The following ZNF112 variants were observed in gnomAD, a reference collection of about 807,000 sequenced individuals.
ZNF112 encodes zinc finger protein 112 (Y14).
Under a neutral mutation model 77.7 loss-of-function variants are expected in ZNF112, and 37 were observed. The observed-to-expected ratio is 0.48, with a 90% confidence interval of 0.37 to 0.63. ZNF112 has a LOEUF of 0.63. ZNF112 is among the 20% of genes least tolerant of loss of function. The probability of loss-of-function intolerance (pLI) is 0.00; values close to 1 mark genes in which losing one functional copy is unlikely to be tolerated. For missense variants in ZNF112, 950 were observed against 1,077.4 expected (o/e 0.88, Z 1.66); for synonymous variants, 333 against 363.6 (o/e 0.92, Z 0.96).
At chr19:44,341,083 C>T (rs1970481009) in intron 1 of ZNF112, 9 of 450,044 alleles carry the variant, frequency 2.0e-5, no homozygotes, top group South Asian at 1.4e-4. Context: ...AGTTTCCTAT[C>T]TTCTCATTTG....
intron 3 of ZNF112, among the ~76,000 whole-genome samples, chr19:44,335,429 C>T (rs2722727): frequency 0.72 from 108,840 of 152,112 alleles, 39,130 homozygotes; most frequent in Admixed American, 0.78. Flanking sequence ...ATATTAAAAA[C>T]AAGAATGTAC....
intron 1 of ZNF112, among the ~76,000 whole-genome samples, chr19:44,365,883 G>A (rs1970899192): frequency 6.6e-6 from 1 of 152,020 alleles, no homozygotes. Context: ...TCCTCTCCAG[G>A]ACCCAGCTGG....
intron 1 of ZNF112, chr19:44,367,012 C>A: frequency 2.2e-6 from 1 of 454,360 alleles, no homozygotes; most frequent in South Asian, 1.6e-5. Context: ...AGGAACAGAG[C>A]GCACAAAATA....
intron 3 of ZNF112, among the ~76,000 whole-genome samples, chr19:44,333,052 C>T (rs986277061): frequency 2.6e-5 from 4 of 151,966 alleles, no homozygotes; most frequent in African/African-American, 9.7e-5. Context: ...CAAAAGATGC[C>T]GAAGACATCA....
chr19:44,329,855 T>C lies in ZNF112; in HGVS notation c.302A>G (p.Gln101Arg). 1 of 1,614,006 alleles carries C rather than the reference T, an allele frequency of 6.2e-7. No homozygotes were observed. The highest frequency in any genetic ancestry group is 8.5e-7 in the Non-Finnish European group (1 of 1,179,988). The change falls in exon 4 of 4, where the codon CAG (glutamine) becomes CGG (arginine). Residue 101 changes from glutamine to arginine, a missense_variant. By Grantham distance (43) the Gln-to-Arg change is conservative. Transcript: ENST00000354340. ...CCCACCTGCACTTTGTTGCCAGGTCTGACGGGAGGAAAGCTCTTTGGGGGA... is the reference window on the plus strand; with the variant it reads ...CCCACCTGCACTTTGTTGCCAGGTCCGACGGGAGGAAAGCTCTTTGGGGGA... ...YFSPKELSSR[Q>R]TWQQSAGGLI...
intron 1 of ZNF112, among the ~76,000 whole-genome samples, chr19:44,346,252 C>T (rs1163950813): frequency 6.6e-6 from 1 of 152,212 alleles, no homozygotes; most frequent in African/African-American, 2.4e-5. Context: ...TAAACTGACA[C>T]ACATTAATTA....
At chr19:44,333,042 C>T (rs922923562) in intron 3 of ZNF112, among the ~76,000 whole-genome samples, 8 of 152,122 alleles carry the variant, frequency 5.3e-5, no homozygotes, top group African/African-American at 9.7e-5. Context: ...CTAAGCATGA[C>T]AAAAGATGCC....
At chr19:44,359,315 C>CTTTTTTTT (rs767955186), upstream of ZNF112, among the ~76,000 whole-genome samples, 92 of 54,866 alleles carry the variant, frequency 1.7e-3, 14 homozygotes, top group African/African-American at 5.3e-3. Context: ...TATTAGAGTT[C>CTTTTTTTT]TTTTTTTTTT....
chr19:44,349,326 A>C (rs988447311), intron 1 of ZNF112, among the ~76,000 whole-genome samples: 8 of 151,994 alleles, frequency 5.3e-5, no homozygotes, highest in African/African-American at 1.9e-4. Context: ...CAACATTTTA[A>C]TTTTTGTATT....
chr19:44,337,976 TA>T (rs145125077), intron 2 of ZNF112, among the ~76,000 whole-genome samples: 20,521 of 104,426 alleles, frequency 0.2, 1,873 homozygotes, highest in East Asian at 0.26. Context: ...ATTCCCCAGT[TA>T]AAAAAAAAAA....
chr19:44,356,831 C>T (rs962209437), upstream of ZNF112: 6 of 152,290 alleles, frequency 3.9e-5, no homozygotes, highest in African/African-American at 1.4e-4. Context: ...ACTTATCTGC[C>T]TGCCTAGGAC....
In ZNF112 at chr19:44,327,969, G is replaced by A. The variant is rs1428989371; in HGVS notation, c.2188C>T (p.Leu730Phe). ...GTGTGGACTCTCTGATGACCTTGAA[G>A]ATATGCTCTCTGACTGAAGCCCTTT... ...CGKGFSQRAYLQGHQRVHTRV... is the reference protein window; with the variant it reads ...CGKGFSQRAYFQGHQRVHTRV... Residue 730 changes from leucine to phenylalanine, a missense_variant, in exon 4 of 4, where the codon CTT becomes TTT. Physicochemically the swap from Leu to Phe is conservative, Grantham distance 22. Coordinates refer to ENST00000354340, the MANE Select transcript of ZNF112 (RefSeq NM_013380.4). The A allele has an allele frequency of 3.7e-6, 6 of 1,613,580 alleles. No individual in the cohort carries two copies. The highest frequency in any genetic ancestry group is 5.1e-6 in the Non-Finnish European group (6 of 1,179,946).
chr19:44,332,131 T>A (rs950431402), intron 3 of ZNF112, among the ~76,000 whole-genome samples: 1 of 152,138 alleles, frequency 6.6e-6, no homozygotes, highest in Non-Finnish European at 1.5e-5. Context: ...GACCTATTAA[T>A]ATAATTGCAC....
intron 3 of ZNF112, among the ~76,000 whole-genome samples, chr19:44,334,787 C>G (rs533474564): frequency 2.6e-5 from 4 of 152,262 alleles, no homozygotes; most frequent in Non-Finnish European, 4.4e-5. Flanking sequence ...AGAGCTGAGG[C>G]TTGGGAACCT....
At position 44,341,155 on chromosome 19, in the gene ZNF112, G is replaced by A. The variant is rs1568668698; in HGVS notation, c.-3-613C>T. The A allele has an allele frequency of 1.1e-5, 5 of 456,644 alleles. No individual in the cohort carries two copies. In the Admixed American group the frequency reaches 1.2e-4, roughly 11 times the overall value. 28.3% of individuals were successfully genotyped at this position (456,644 alleles called of 1,614,324 possible). On this transcript the variant is annotated intron_variant, in intron 1 of 3. Transcript: ENST00000354340. ...AATGAGTGACCACATGTAAAGCATG[G>A]AAAACAGCACCTGGCACACAGTAAG... is the stretch of plus-strand genomic sequence containing the variant.
chr19:44,355,451 A>C (rs2123217104), intron 1 of ZNF112, among the ~76,000 whole-genome samples: 1 of 152,342 alleles, frequency 6.6e-6, no homozygotes, highest in East Asian at 1.9e-4. Flanking sequence ...TTAAAAAATC[A>C]AAAATTCAAA....
chr19:44,328,799 T>G lies in ZNF112; in HGVS notation c.1358A>C (p.Gln453Pro). 1 of 1,614,110 alleles carries G rather than the reference T, an allele frequency of 6.2e-7. No homozygotes were observed. Among genetic ancestry groups the G allele is most frequent in the Non-Finnish European group, 8.5e-7 (1 of 1,179,994 alleles). Residue 453 changes from glutamine to proline, a missense_variant, in exon 4 of 4, where the codon CAG (glutamine) becomes CCG (proline). Physicochemically the swap from Gln to Pro is moderately conservative, Grantham distance 76. Coordinates refer to ENST00000354340, the MANE Select transcript of ZNF112 (RefSeq NM_013380.4). ...GNGFSLASHF[Q>P]DLQIVHTKEQ... The stretch of plus-strand genomic sequence containing the variant: ...CTTAGTGTGGACTATCTGAAGGTCC[T>G]GAAAATGTGAGGCCAGACTGAAGCC...
At chr19:44,348,956 C>T (rs546855817) in intron 1 of ZNF112, among the ~76,000 whole-genome samples, 1 of 152,146 alleles carries the variant, frequency 6.6e-6, no homozygotes, top group African/African-American at 2.4e-5. Flanking sequence ...CCAAATCCAG[C>T]CCACTGCTTG....
In ZNF112 at chr19:44,327,494, T is replaced by C. The variant is rs1254941058; in HGVS notation, c.2663A>G (p.Tyr888Cys). 7 of 1,613,514 alleles carry C rather than the reference T, an allele frequency of 4.3e-6. No individual in the cohort carries two copies. Among genetic ancestry groups the C allele is most frequent in the African/African-American group, 1.3e-5 (1 of 74,892 alleles). Residue 888 changes from tyrosine (Y) to cysteine (C), a missense_variant, in exon 4 of 4, where the codon TAT becomes TGT. This residue lies in a region of ZNF112 where 373 missense variants were observed against 482.8 expected (regional missense o/e 0.77). Coordinates refer to ENST00000354340, the MANE Select transcript of ZNF112 (RefSeq NM_013380.4). ...CTCTGATGAAGGGTAGTCCTTACCA[T>C]AGTCTTCGCTTTTATAGAATTTATC... ...SSDKFYKSED[Y>C]GKDYPSSENL...
Sources: allele counts gnomAD v4.1 joint callset (sites outside exome capture counted in the v4.1 genomes callset), GRCh38; gene constraint gnomAD v4.1.1; regional missense constraint gnomAD v4.1.1; transcripts MANE v1.5; gene names NCBI Gene and HGNC (gene_info 2026-07-23, HGNC 2026-07-21).